RBFOX1: variants seen among roughly 807,000 people sequenced by gnomAD.
RBFOX1 encodes RNA binding fox-1 homolog 1, also known as RNA binding protein fox-1 homolog 1.
In RBFOX1, 8 loss-of-function variants were observed where a neutral mutation model predicts 57.7. The observed-to-expected ratio is 0.14, with a 90% CI of 0.08 to 0.25. The LOEUF is 0.25. RBFOX1 is among the 10% of genes least tolerant of loss of function. RBFOX1 has a pLI of 1.00. For missense variants in RBFOX1, 611 were observed against 548.5 expected, an observed-to-expected ratio of 1.11 and a Z score of -1.14; for synonymous variants, 326 against 222.4, an observed-to-expected ratio of 1.47 and a Z score of -4.15.
At chr16:6,199,185 C>T (rs548147400) in intron 1 of RBFOX1, among the ~76,000 whole-genome samples, 8 of 152,034 alleles carry the variant, frequency 5.3e-5, no homozygotes, top group Non-Finnish European at 8.8e-5. Context: ...ATCTCTTACT[C>T]GGGAGTAAAT....
intron 2 of RBFOX1, chr16:6,483,349 G>T (rs994985469): frequency 6.7e-6 from 10 of 1,486,586 alleles, no homozygotes; most frequent in Non-Finnish European, 8.9e-6. Flanking sequence ...GTCGTGCCAG[G>T]CAGCCCGGGC....
chr16:7,500,734 A>G (rs1433212963), intron 4 of RBFOX1, among the ~76,000 whole-genome samples: 2 of 152,204 alleles, frequency 1.3e-5, no homozygotes, highest in African/African-American at 4.8e-5. Flanking sequence ...GCTTAAAACG[A>G]TTATGTTTAA....
At chr16:7,217,898 GTGTGTGCA>G (rs1451957326) in intron 4 of RBFOX1, among the ~76,000 whole-genome samples, 70 of 127,936 alleles carry the variant, frequency 5.5e-4, no homozygotes, top group East Asian at 7.1e-4. Flanking sequence ...GCATGCGTAT[GTGTGTGCA>G]TGTGTGTGTG....
At chr16:6,912,648 C>T (rs961712101) in intron 3 of RBFOX1, among the ~76,000 whole-genome samples, 3 of 149,286 alleles carry the variant, frequency 2.0e-5, no homozygotes, top group Non-Finnish European at 4.4e-5. Flanking sequence ...CAAGGTCTCA[C>T]TGTGTCATCC....
At chr16:5,404,717 G>T (rs759108169) in intron 1 of RBFOX1, among the ~76,000 whole-genome samples, 2 of 152,176 alleles carry the variant, frequency 1.3e-5, no homozygotes, top group African/African-American at 2.4e-5. Context: ...GCAGTTTTGT[G>T]GTGCATGCTG....
At chr16:7,570,164 T>TA (rs578121711) in intron 5 of RBFOX1, among the ~76,000 whole-genome samples, 3 of 47,402 alleles carry the variant, frequency 6.3e-5, no homozygotes, top group African/African-American at 1.4e-4. Context: ...AAAATTTTAC[T>TA]TTTTTTTTTT....
At chr16:6,085,017 G>A (rs970893021) in intron 1 of RBFOX1, among the ~76,000 whole-genome samples, 9 of 152,154 alleles carry the variant, frequency 5.9e-5, no homozygotes, top group African/African-American at 2.2e-4. Context: ...CAACTTGTGA[G>A]AATTCACTTC....
intron 3 of RBFOX1, among the ~76,000 whole-genome samples, chr16:5,728,234 A>C (rs76852494): frequency 0.013 from 2,034 of 152,344 alleles, 61 homozygotes; most frequent in African/African-American, 0.045. Context: ...ACGAATACAG[A>C]AAATGCGGTG....
intron 3 of RBFOX1, among the ~76,000 whole-genome samples, chr16:6,702,664 T>A (rs1031972494): frequency 2.0e-5 from 3 of 152,210 alleles, no homozygotes; most frequent in African/African-American, 7.2e-5. Context: ...CAGTGACTGG[T>A]GAGAATAATT....
intron 2 of RBFOX1, among the ~76,000 whole-genome samples, chr16:6,592,636 C>G (rs940344787): frequency 6.6e-6 from 1 of 152,128 alleles, no homozygotes; most frequent in African/African-American, 2.4e-5. Flanking sequence ...AGCGGAAGTT[C>G]TGCTACTAAG....
chr16:7,403,482 G>C (rs752076297), intron 4 of RBFOX1, among the ~76,000 whole-genome samples: 1 of 151,928 alleles, frequency 6.6e-6, no homozygotes, highest in South Asian at 2.1e-4. Flanking sequence ...AGATCTTACA[G>C]CGTTTGTCTT....
At chr16:6,469,742 C>A (rs185900209) in intron 2 of RBFOX1, among the ~76,000 whole-genome samples, 1 of 152,260 alleles carries the variant, frequency 6.6e-6, no homozygotes, top group African/African-American at 2.4e-5. Context: ...TTCTCAGAAT[C>A]GGAACTTTGA....
At chr16:5,254,223 G>C (rs2062526889) in intron 1 of RBFOX1, among the ~76,000 whole-genome samples, 1 of 152,208 alleles carries the variant, frequency 6.6e-6, no homozygotes, top group South Asian at 2.1e-4. Context: ...GTGATGGTTT[G>C]AAGCCACCTG....
chr16:7,087,395 A>G (rs764432661), intron 4 of RBFOX1, among the ~76,000 whole-genome samples: 16 of 152,242 alleles, frequency 1.1e-4, no homozygotes, highest in Non-Finnish European at 1.6e-4. Flanking sequence ...CATCGCTAGT[A>G]TTATGAATAT....
At chr16:5,664,771 C>T (rs537565513) in intron 3 of RBFOX1, among the ~76,000 whole-genome samples, 1 of 152,204 alleles carries the variant, frequency 6.6e-6, no homozygotes, top group South Asian at 2.1e-4. Context: ...TTTCCAAATT[C>T]CTGGGATCCA....
intron 4 of RBFOX1, among the ~76,000 whole-genome samples, chr16:5,878,466 A>G (rs1444725157): frequency 1.3e-5 from 2 of 152,180 alleles, no homozygotes; most frequent in Non-Finnish European, 2.9e-5. Flanking sequence ...CAAAGTTGGT[A>G]TTTGATTCTA....
chr16:7,122,609 G>T (rs1285168941), intron 4 of RBFOX1, among the ~76,000 whole-genome samples: 2 of 152,166 alleles, frequency 1.3e-5, no homozygotes, highest in African/African-American at 2.4e-5. Flanking sequence ...GATTTCTCCT[G>T]TACTGCTGGT....
At chr16:6,910,458 GCT>G (rs1326464535) in intron 3 of RBFOX1, among the ~76,000 whole-genome samples, 1 of 152,168 alleles carries the variant, frequency 6.6e-6, no homozygotes, top group Admixed American at 6.5e-5. Context: ...CAAGGACTTG[GCT>G]CTGTGCCTGA....
At chr16:5,678,533 C>A (rs939699036) in intron 3 of RBFOX1, among the ~76,000 whole-genome samples, 1 of 152,154 alleles carries the variant, frequency 6.6e-6, no homozygotes, top group African/African-American at 2.4e-5. Context: ...AGTTAGAACC[C>A]GGTTCCTAAG....
Sources: gnomAD v4.1 joint callset for allele counts (sites outside exome capture counted in the v4.1 genomes callset) on GRCh38, gnomAD v4.1.1 for gene constraint, MANE v1.5 for transcripts, NCBI Gene and HGNC (gene_info 2026-07-23, HGNC 2026-07-21) for gene names.